The following QTMAN variants were observed in gnomAD, a reference collection of about 807,000 sequenced individuals.
QTMAN encodes queuosine-tRNA mannosyltransferase, also known as tRNA-queuosine alpha-mannosyltransferase.
At chr2:144,293,121 G>A in the QTMAN span, among the ~76,000 whole-genome samples, 4 of 152,048 alleles carry the variant, frequency 2.6e-5, no homozygotes, top group African/African-American at 4.8e-5. Context: ...CCAAATAGTC[G>A]ACTCTAGTAT....
the QTMAN span, among the ~76,000 whole-genome samples, chr2:144,158,755 T>C: frequency 3.1e-4 from 47 of 152,150 alleles, 1 homozygote; most frequent in South Asian, 9.7e-3. Context: ...AAATCCAAAA[T>C]TATGGTTCCC....
At chr2:144,037,705 T>C in the QTMAN span, among the ~76,000 whole-genome samples, 1 of 152,226 alleles carries the variant, frequency 6.6e-6, no homozygotes. Flanking sequence ...TACTCATCAA[T>C]GCCTAAGAAA....
At chr2:144,326,145 T>C in the QTMAN span, among the ~76,000 whole-genome samples, 3 of 152,200 alleles carry the variant, frequency 2.0e-5, no homozygotes, top group Non-Finnish European at 2.9e-5. Context: ...TTGTAAGAAA[T>C]ATATACATAT....
chr2:144,168,365 T>C, the QTMAN span, among the ~76,000 whole-genome samples: 1 of 152,202 alleles, frequency 6.6e-6, no homozygotes, highest in Non-Finnish European at 1.5e-5. Context: ...CTATAGCATA[T>C]GGATCTCCTT....
chr2:144,276,683 ACTT>A, the QTMAN span, among the ~76,000 whole-genome samples: 4 of 152,220 alleles, frequency 2.6e-5, no homozygotes, highest in African/African-American at 4.8e-5. Flanking sequence ...AAATTTAGAT[ACTT>A]CTTCAGGGAA....
At chr2:144,150,111 C>T in the QTMAN span, among the ~76,000 whole-genome samples, 1 of 152,018 alleles carries the variant, frequency 6.6e-6, no homozygotes, top group Non-Finnish European at 1.5e-5. Context: ...CTATTTATGA[C>T]ATAATGAGAT....
chr2:144,073,250 T>TTA, the QTMAN span, among the ~76,000 whole-genome samples: 15 of 148,656 alleles, frequency 1.0e-4, no homozygotes, highest in East Asian at 3.9e-4. Context: ...TTTTATATAT[T>TTA]TATATATATA....
the QTMAN span, among the ~76,000 whole-genome samples, chr2:144,168,751 G>C: frequency 1.3e-5 from 2 of 151,898 alleles, no homozygotes; most frequent in South Asian, 4.2e-4. Flanking sequence ...AAATGAGCAA[G>C]AATTACTTTA....
the QTMAN span, among the ~76,000 whole-genome samples, chr2:143,974,930 C>G: frequency 6.6e-6 from 1 of 152,126 alleles, no homozygotes; most frequent in Non-Finnish European, 1.5e-5. Context: ...TAAGTCTTCA[C>G]AAAATATTCC....
At chr2:143,980,111 C>A in the QTMAN span, among the ~76,000 whole-genome samples, 1 of 152,108 alleles carries the variant, frequency 6.6e-6, no homozygotes, top group African/African-American at 2.4e-5. Flanking sequence ...TGGTGTTCTG[C>A]TACACAGATC....
chr2:144,140,349 C>T, the QTMAN span, among the ~76,000 whole-genome samples: 1 of 151,772 alleles, frequency 6.6e-6, no homozygotes, highest in African/African-American at 2.4e-5. Context: ...AATTCTATAG[C>T]AGTAATAATT....
At chr2:144,197,403 T>C in the QTMAN span, among the ~76,000 whole-genome samples, 1 of 152,054 alleles carries the variant, frequency 6.6e-6, no homozygotes, top group African/African-American at 2.4e-5. Context: ...AGTATTACAT[T>C]AGATTTTTAA....
the QTMAN span, among the ~76,000 whole-genome samples, chr2:144,175,678 G>T: frequency 2.0e-5 from 3 of 151,952 alleles, no homozygotes; most frequent in Non-Finnish European, 4.4e-5. Context: ...TACAGAGAGA[G>T]AGAGAGAGAG....
At chr2:144,308,189 C>T in the QTMAN span, among the ~76,000 whole-genome samples, 18 of 117,212 alleles carry the variant, frequency 1.5e-4, no homozygotes, top group African/African-American at 5.8e-4. Flanking sequence ...TTTTTTGAGA[C>T]AGAGTCTCGC....
the QTMAN span, among the ~76,000 whole-genome samples, chr2:144,177,819 G>C: frequency 6.6e-6 from 1 of 152,036 alleles, no homozygotes; most frequent in African/African-American, 2.4e-5. Context: ...AAATTTTCTA[G>C]TAGCCATTAA....
chr2:144,156,504 G>C, the QTMAN span, among the ~76,000 whole-genome samples: 2 of 151,972 alleles, frequency 1.3e-5, no homozygotes, highest in African/African-American at 4.8e-5. Flanking sequence ...TTATTTTAAA[G>C]GTAAGACTTT....
the QTMAN span, among the ~76,000 whole-genome samples, chr2:143,982,117 A>G: frequency 6.6e-6 from 1 of 152,230 alleles, no homozygotes; most frequent in East Asian, 1.9e-4. Flanking sequence ...TAAATTAACT[A>G]CACTGCTCGA....
the QTMAN span, chr2:143,957,370 A>G: frequency 7.0e-7 from 1 of 1,429,210 alleles, no homozygotes; most frequent in Non-Finnish European, 9.5e-7. Flanking sequence ...ATATTCATCT[A>G]TTTAATATAG....
chr2:144,180,233 T>C, the QTMAN span, among the ~76,000 whole-genome samples: 2 of 152,194 alleles, frequency 1.3e-5, no homozygotes, highest in Non-Finnish European at 2.9e-5. Context: ...TTACTTTTTT[T>C]TTCCTCTTCA....
Sources: allele counts gnomAD v4.1 joint callset (sites outside exome capture counted in the v4.1 genomes callset), GRCh38; gene constraint gnomAD v4.1.1; transcripts MANE v1.5; gene names NCBI Gene and HGNC (gene_info 2026-07-23, HGNC 2026-07-21).